SMARCA2: variants seen among roughly 807,000 people sequenced by gnomAD.
The protein encoded by SMARCA2 is SWI/SNF-related matrix-associated actin-dependent regulator of chromatin subfamily A member 2.
Under a neutral mutation model 199.8 loss-of-function variants are expected in SMARCA2, and 61 were observed. The ratio of observed to expected loss-of-function variants is 0.31; its 90% confidence interval spans 0.25 to 0.38. The LOEUF is 0.38. SMARCA2 is among the 10% of genes least tolerant of loss of function. SMARCA2 has a pLI of 1.00. For synonymous variants in SMARCA2, 935 were observed against 732.0 expected (o/e 1.28, Z -4.48); for missense variants, 1,344 against 2,012.2 (o/e 0.67, Z 6.35).
intron 27 of SMARCA2, among the ~76,000 whole-genome samples, chr9:2,126,512 T>C (rs560879766): frequency 1.3e-5 from 2 of 152,352 alleles, no homozygotes; most frequent in African/African-American, 4.8e-5. Context: ...TGAAATGATA[T>C]TGAAGGGGTT....
At chr9:2,026,453 TG>T (rs1468170326) in intron 1 of SMARCA2, among the ~76,000 whole-genome samples, 1 of 152,246 alleles carries the variant, frequency 6.6e-6, no homozygotes, top group Non-Finnish European at 1.5e-5. Flanking sequence ...AGCATTTTTA[TG>T]GGACTATGTA....
intron 27 of SMARCA2, among the ~76,000 whole-genome samples, chr9:2,134,633 T>A (rs894925428): frequency 2.6e-5 from 4 of 152,214 alleles, no homozygotes; most frequent in Admixed American, 2.0e-4. Flanking sequence ...TATGTGATCT[T>A]GGACAGGTCT....
chr9:2,097,234 A>G lies in SMARCA2; in HGVS notation c.2992-151A>G, dbSNP rs1586701528. The G allele has an allele frequency of 5.3e-6, 3 of 561,338 alleles. No individual in the cohort carries two copies. In the East Asian group the frequency reaches 8.6e-5, roughly 16 times the overall value. 34.8% of individuals were successfully genotyped at this position (561,338 alleles called of 1,614,324 possible). Reference sequence around the variant, plus strand: ...TTATGTCTAACTCAGGAACTGCTATATAATTAAAGAAGCTTTGAACCACAA... The same window carrying G: ...TTATGTCTAACTCAGGAACTGCTATGTAATTAAAGAAGCTTTGAACCACAA... On this transcript the variant is annotated intron_variant, in intron 20 of 33. Transcript: ENST00000349721.
intron 17 of SMARCA2, chr9:2,085,869 A>T (rs1821781801): frequency 6.6e-6 from 1 of 152,192 alleles, no homozygotes; most frequent in South Asian, 2.1e-4. Flanking sequence ...TAGAGAATGG[A>T]TAGGCTTAGT....
At chr9:2,061,085 G>A in intron 9 of SMARCA2, 99 bp downstream of exon 9, 1 of 1,155,302 alleles carries the variant, frequency 8.7e-7, no homozygotes. Context: ...TTACACTGGT[G>A]GAAGGTTTAG....
At chr9:2,158,618 G>A (rs749462478) in intron 27 of SMARCA2, 22 of 238,956 alleles carry the variant, frequency 9.2e-5, no homozygotes, top group Middle Eastern at 1.3e-3. Context: ...TTCTTTTTGG[G>A]GGTAGTACTT....
chr9:2,164,546 A>G (rs373207008), intron 28 of SMARCA2, among the ~76,000 whole-genome samples: 22 of 152,286 alleles, frequency 1.4e-4, no homozygotes, highest in African/African-American at 5.3e-4. Flanking sequence ...GAACAGTTTC[A>G]TTATTAATAA....
chr9:2,078,301 C>G (rs1033186346), intron 14 of SMARCA2, among the ~76,000 whole-genome samples: 1 of 151,798 alleles, frequency 6.6e-6, no homozygotes, highest in African/African-American at 2.4e-5. Flanking sequence ...GTGAAACCCT[C>G]TCTCTACTAA....
rs771560778 is a variant in SMARCA2 at position 2,148,827 on chromosome 9, C to G, written c.3982-12859C>G. On this transcript the variant is annotated intron_variant, in intron 27 of 33. Transcript: ENST00000349721. ...CCCAGCTTGTTTTCTATAGATCTTG[C>G]CATTGCCCATTAGAGCACTTTGTGT... is the stretch of plus-strand genomic sequence containing the variant. 4.6e-4 allele frequency among the ~76,000 whole-genome samples: 70 copies of G among 151,268 alleles called. 3 individuals are homozygous for G. Among genetic ancestry groups the G allele is most frequent in the Non-Finnish European group, 8.9e-4 (60 of 67,598 alleles).
chr9:2,138,479 G>A (rs1304764933), intron 27 of SMARCA2, among the ~76,000 whole-genome samples: 1 of 152,172 alleles, frequency 6.6e-6, no homozygotes, highest in Admixed American at 6.5e-5. Flanking sequence ...CTGTTTTGAA[G>A]AATATCTTTC....
chr9:2,095,226 C>T (rs1822222776), intron 19 of SMARCA2, among the ~76,000 whole-genome samples: 1 of 151,922 alleles, frequency 6.6e-6, no homozygotes, highest in African/African-American at 2.4e-5. Flanking sequence ...GCTGGGACTA[C>T]AGGCACACAC....
At chr9:2,089,109 A>G (rs563805638) in intron 19 of SMARCA2, among the ~76,000 whole-genome samples, 14 of 152,300 alleles carry the variant, frequency 9.2e-5, no homozygotes, top group African/African-American at 3.4e-4. Flanking sequence ...TTACAGACAC[A>G]TCATCTAATT....
At chr9:2,026,234 T>C (rs1290375173) in intron 1 of SMARCA2, among the ~76,000 whole-genome samples, 1 of 152,232 alleles carries the variant, frequency 6.6e-6, no homozygotes, top group Admixed American at 6.5e-5. Flanking sequence ...AGGGTACATT[T>C]CTTCATTTGT....
chr9:2,105,571 T>G (rs1361940330), intron 23 of SMARCA2, among the ~76,000 whole-genome samples: 1 of 152,174 alleles, frequency 6.6e-6, no homozygotes, highest in Non-Finnish European at 1.5e-5. Context: ...ACCTCTCCCC[T>G]CCAAATTACG....
chr9:2,097,194 A>T (rs1822308666), intron 20 of SMARCA2, 191 bp from the exon 21 acceptor site: 1 of 531,128 alleles, frequency 1.9e-6, no homozygotes, highest in South Asian at 2.8e-5. Context: ...GCGTAAGTTA[A>T]TCACAAGAAA....
chr9:2,189,951 A>G (rs1399661311), intron 32 of SMARCA2, among the ~76,000 whole-genome samples: 2 of 152,188 alleles, frequency 1.3e-5, no homozygotes, highest in Non-Finnish European at 2.9e-5. Flanking sequence ...CTCTATGACA[A>G]CATCTATTTC....
At chr9:2,117,907 C>T (rs983527079) in intron 25 of SMARCA2, among the ~76,000 whole-genome samples, 1 of 152,170 alleles carries the variant, frequency 6.6e-6, no homozygotes, top group South Asian at 2.1e-4. Context: ...AGACTGCAGT[C>T]AAAGACTCTG....
rs1373468748 is a variant in SMARCA2, at chr9:2,016,816, C to G, written c.-37+1412C>G. Among the ~76,000 whole-genome samples the G allele has an allele frequency of 6.6e-6, 1 of 152,192 alleles. No homozygotes were observed. Among genetic ancestry groups the G allele is most frequent in the Non-Finnish European group, 1.5e-5 (1 of 68,014 alleles). On this transcript the variant is annotated intron_variant, in intron 1 of 33. Transcript: ENST00000349721. The surrounding 1 kb of genome is among the most constrained non-coding windows in gnomAD (Gnocchi z 5.6). ...CTGGTTTACCCCTTCCTTTGCTCTC[C>G]CCCTCCACCCGGCCGTCTTCCCTTC...
chr9:2,176,491 T>C lies in SMARCA2; in HGVS notation c.4254-5080T>C, dbSNP rs151054677. 3.0e-3 allele frequency among the ~76,000 whole-genome samples: 454 copies of C among 151,886 alleles called. 1 individual carries two copies. The highest frequency in any genetic ancestry group is 0.01 in the African/African-American group (432 of 41,212). On this transcript the variant is annotated intron_variant, in intron 29 of 33. Transcript: ENST00000349721. The stretch of plus-strand genomic sequence containing the variant: ...TTTTCAGTCTCCTAACAGGGAACTT[T>C]GTTTGTCTTGGTAACTCAGGGACAT...
Sources: gnomAD v4.1 joint callset for allele counts (sites outside exome capture counted in the v4.1 genomes callset) on GRCh38, gnomAD v4.1.1 for gene constraint, Gnocchi (gnomAD v3.1) non-coding constraint, MANE v1.5 for transcripts, NCBI Gene and HGNC (gene_info 2026-07-23, HGNC 2026-07-21) for gene names.